The following WDR19 variants were observed in gnomAD, a reference collection of about 807,000 sequenced individuals.
The protein encoded by WDR19 is WD repeat-containing protein 19.
In WDR19, 121 loss-of-function variants were observed where a neutral mutation model predicts 180.0. The observed-to-expected ratio is 0.67, with a 90% CI of 0.58 to 0.78. The LOEUF is 0.78. Ranked by LOEUF, WDR19 falls within the 30% of genes least tolerant of loss-of-function variation. The pLI is 0.00. For missense variants in WDR19, 1,450 were observed against 1,640.7 expected (o/e 0.88, Z 2.01); for synonymous variants, 497 against 540.7 (o/e 0.92, Z 1.12).
chr4:39,188,179 A>G (rs1725755855), intron 3 of WDR19, among the ~76,000 whole-genome samples: 2 of 152,280 alleles, frequency 1.3e-5, no homozygotes, highest in Non-Finnish European at 2.9e-5. Context: ...TGAAAAATAT[A>G]TGTAATACCA....
chr4:39,187,028 A>C (rs1725631030), intron 3 of WDR19, among the ~76,000 whole-genome samples: 1 of 152,198 alleles, frequency 6.6e-6, no homozygotes, highest in Non-Finnish European at 1.5e-5. Flanking sequence ...TTTTCAGGAA[A>C]TCATTCTACA....
Position 39,217,184 on chromosome 4 carries a change from T to G in WDR19, c.1300T>G (p.Cys434Gly). Residue 434 changes from cysteine to glycine, a missense_variant, in exon 13 of 37, where the codon TGC becomes GGC. Coordinates refer to ENST00000399820, the MANE Select transcript of WDR19 (RefSeq NM_025132.4). ...MEYLGTVASI[C>G]LHSDYAAALF... ...GTATCTGGGAACAGTAGCCAGTATT[T>G]GCCTTCATTCTGACTATGCTGCTGC... 1 of 1,609,274 alleles carries G rather than the reference T, an allele frequency of 6.2e-7. No homozygotes were observed. Among genetic ancestry groups the G allele is most frequent in the Non-Finnish European group, 8.5e-7 (1 of 1,177,930 alleles).
chr4:39,256,146 A>C (rs965316688), intron 27 of WDR19, among the ~76,000 whole-genome samples, 186 bp downstream of exon 27: 1 of 152,206 alleles, frequency 6.6e-6, no homozygotes, highest in African/African-American at 2.4e-5. Context: ...CTTCCTTCGT[A>C]ATACCTCTCA....
chr4:39,281,169 ATT>A (rs1188582417), intron 36 of WDR19, among the ~76,000 whole-genome samples: 1 of 148,088 alleles, frequency 6.8e-6, no homozygotes, highest in Non-Finnish European at 1.5e-5. Context: ...TAAATTTTAA[ATT>A]TTTTGGTTAT....
intron 30 of WDR19, among the ~76,000 whole-genome samples, chr4:39,269,500 C>T (rs1735132123): frequency 6.6e-6 from 1 of 152,170 alleles, no homozygotes. Context: ...TCAAGGAGGA[C>T]ACCACCATTT....
chr4:39,193,286 T>C (rs1035494301), intron 4 of WDR19, among the ~76,000 whole-genome samples: 8 of 151,626 alleles, frequency 5.3e-5, no homozygotes, highest in African/African-American at 1.9e-4. Context: ...CTAAGCCTCC[T>C]GAGTAGCTGG....
At chr4:39,256,458 G>A (rs1240415826) in intron 27 of WDR19, among the ~76,000 whole-genome samples, 1 of 152,190 alleles carries the variant, frequency 6.6e-6, no homozygotes, top group East Asian at 1.9e-4. Context: ...GAAGCCAGCT[G>A]TTTCTCACCT....
intron 19 of WDR19, 26 bp downstream of exon 19, chr4:39,232,298 T>C (rs1174628640): frequency 1.9e-6 from 3 of 1,576,456 alleles, no homozygotes; most frequent in Non-Finnish European, 2.6e-6. Flanking sequence ...AGAATGGAAA[T>C]TGTGTAAGAG....
chr4:39,184,244 C>CA (rs1289641701), intron 1 of WDR19, among the ~76,000 whole-genome samples: 1 of 151,570 alleles, frequency 6.6e-6, no homozygotes, highest in African/African-American at 2.4e-5. Flanking sequence ...CTGTCTCTAC[C>CA]AAAAATATTT....
chr4:39,188,582 G>A (rs1188827649), intron 3 of WDR19, among the ~76,000 whole-genome samples: 6 of 142,416 alleles, frequency 4.2e-5, no homozygotes, highest in African/African-American at 2.6e-5. Context: ...TCGCACCACC[G>A]CACTCCAGCC....
chr4:39,232,027 T>G, intron 18 of WDR19, 71 bp downstream of exon 18: 2 of 1,576,588 alleles, frequency 1.3e-6, no homozygotes, highest in Non-Finnish European at 1.7e-6. Flanking sequence ...AGTCTAAATT[T>G]TTTGCATTTA....
intron 2 of WDR19, 46 bp downstream of exon 2, chr4:39,185,863 A>C (rs2109741134): frequency 6.9e-7 from 1 of 1,449,658 alleles, no homozygotes; most frequent in Non-Finnish European, 9.4e-7. Flanking sequence ...ATGCCCATGT[A>C]ATCACACCAT....
In WDR19 at chr4:39,191,306, A is replaced by G. The variant is rs191204859; in HGVS notation, c.290+1525A>G. On this transcript the variant is annotated intron_variant, in intron 4 of 36. Transcript: ENST00000399820. ...TTTTCTTAAGTATTTTTATTTAAGA[A>G]GGTCCTGTTGTACATGACCACCTTG... Among the ~76,000 whole-genome samples the G allele has an allele frequency of 2.0e-5, 3 of 152,362 alleles. No homozygotes were observed. In the East Asian group the frequency reaches 5.8e-4, roughly 29 times the overall value.
At chr4:39,253,125 A>T in intron 24 of WDR19, 21 bp from the exon 25 acceptor site, 1 of 1,554,012 alleles carries the variant, frequency 6.4e-7, no homozygotes, top group Non-Finnish European at 8.7e-7. Context: ...AAAAAAGTTT[A>T]TCTGAGCTAT....
intron 4 of WDR19, among the ~76,000 whole-genome samples, chr4:39,190,605 C>T (rs1726054489): frequency 6.6e-6 from 1 of 152,168 alleles, no homozygotes; most frequent in African/African-American, 2.4e-5. Flanking sequence ...TGAGACCAGA[C>T]TATAAGTTTT....
Position 39,189,795 on chromosome 4 carries a change from T to C in WDR19, c.290+14T>C, listed in dbSNP as rs1438803718. ...CAATGGCATGAGGTAAGATAACTTT[T>C]TAATTTTTTAAAGCTTCACTTAGAA... On this transcript the variant is annotated intron_variant, in intron 4 of 36. Coordinates refer to ENST00000399820, the MANE Select transcript of WDR19 (RefSeq NM_025132.4). 1.3e-6 allele frequency: 2 copies of C among 1,586,644 alleles called. No individual in the cohort carries two copies. The highest frequency in any genetic ancestry group is 1.7e-6 in the Non-Finnish European group (2 of 1,171,460).
chr4:39,259,714 G>C (rs1056822152), intron 28 of WDR19, among the ~76,000 whole-genome samples: 4 of 152,120 alleles, frequency 2.6e-5, no homozygotes, highest in African/African-American at 7.2e-5. Flanking sequence ...ATTTGTGTGT[G>C]AGTTTTCATT....
At chr4:39,273,198 G>C (rs931862157) in intron 32 of WDR19, 137 bp downstream of exon 32, 1 of 651,040 alleles carries the variant, frequency 1.5e-6, no homozygotes, top group African/African-American at 1.9e-5. Flanking sequence ...GGTATGTCAG[G>C]GCCCCAAGAC....
At chr4:39,245,504 AAATT>A in intron 24 of WDR19, 52 bp downstream of exon 24, 1 of 1,555,036 alleles carries the variant, frequency 6.4e-7, no homozygotes, top group Non-Finnish European at 8.8e-7. Context: ...TAAGCTTTAC[AAATT>A]AACCATTGAT....
Sources: gnomAD v4.1 joint callset for allele counts (sites outside exome capture counted in the v4.1 genomes callset) on GRCh38, gnomAD v4.1.1 for gene constraint, MANE v1.5 for transcripts, NCBI Gene and HGNC (gene_info 2026-07-23, HGNC 2026-07-21) for gene names.